Variants in DCAF6 observed in about 807,000 individuals in gnomAD.
DCAF6 encodes DDB1- and CUL4-associated factor 6.
Under a neutral mutation model 125.1 loss-of-function variants are expected in DCAF6, and 54 were observed. The ratio of observed to expected loss-of-function variants is 0.43; its 90% CI spans 0.35 to 0.54. The LOEUF is 0.54. DCAF6 is among the 20% of genes least tolerant of loss of function. The pLI, the probability that DCAF6 is intolerant of heterozygous loss-of-function variation, is 0.01. For missense variants in DCAF6, 934 were observed against 1,161.7 expected, an observed-to-expected ratio of 0.80 and a Z score of 2.85; for synonymous variants, 371 against 390.4, an observed-to-expected ratio of 0.95 and a Z score of 0.58.
the DCAF6 span, chr1:167,901,768 C>A: frequency 6.2e-7 from 1 of 1,614,184 alleles, no homozygotes. Flanking sequence ...TTTTCAGCTG[C>A]TTTCGCTCCA....
At chr1:168,040,843 C>A (rs1213883412) in intron 13 of DCAF6, among the ~76,000 whole-genome samples, 1 of 140,128 alleles carries the variant, frequency 7.1e-6, no homozygotes. Context: ...GTCAGAAAAG[C>A]AGTTAGCATT....
intron 10 of DCAF6, among the ~76,000 whole-genome samples, chr1:168,011,105 A>G (rs1384711267): frequency 1.3e-5 from 2 of 148,160 alleles, no homozygotes; most frequent in African/African-American, 5.0e-5. Context: ...TACTCAGACC[A>G]TCAGAATTTT....
intron 13 of DCAF6, 181 bp from the exon 14 acceptor site, chr1:168,042,844 T>C: frequency 6.3e-6 from 3 of 478,040 alleles, no homozygotes; most frequent in South Asian, 3.9e-5. Flanking sequence ...AAGAGTAAAG[T>C]GTGTTATGAT....
chr1:167,973,308 T>A (rs1183509546), intron 3 of DCAF6, among the ~76,000 whole-genome samples: 2 of 152,222 alleles, frequency 1.3e-5, no homozygotes, highest in African/African-American at 4.8e-5. Flanking sequence ...TGGTACATGA[T>A]GTTATATAAT....
chr1:167,973,847 T>C (rs1350690041), intron 3 of DCAF6, among the ~76,000 whole-genome samples: 2 of 152,198 alleles, frequency 1.3e-5, no homozygotes, highest in Non-Finnish European at 2.9e-5. Flanking sequence ...CAGTAAATAA[T>C]CTTTGACATT....
At chr1:168,035,327 G>A in intron 12 of DCAF6, among the ~76,000 whole-genome samples, 1 of 152,216 alleles carries the variant, frequency 6.6e-6, no homozygotes, top group African/African-American at 2.4e-5. Flanking sequence ...TGTGCCTATA[G>A]TCCCAGCTAC....
chr1:168,003,847 T>C (rs1345468066), intron 8 of DCAF6, 23 bp from the exon 9 acceptor site: 1 of 1,576,982 alleles, frequency 6.3e-7, no homozygotes. Context: ...CTAAACTCAC[T>C]GATAAGACCT....
rs1232101633 is a variant in DCAF6 at position 167,942,636 on chromosome 1, CT to C, written c.97+5637del. ...TAATCCAAGGTAACAAAGATTTTTACTTTTTTTTTCCTGGAGATTTTATCTT... is the reference window on the plus strand; with the variant it reads ...TAATCCAAGGTAACAAAGATTTTTACTTTTTTTTCCTGGAGATTTTATCTT... On this transcript the variant is annotated intron_variant, in intron 1 of 21. Coordinates refer to ENST00000367840, the MANE Select transcript of DCAF6 (RefSeq NM_001198956.2). 6.6e-5 allele frequency among the ~76,000 whole-genome samples: 10 copies of C among 151,336 alleles called. No individual in the cohort carries two copies. The South Asian group carries it at 1.3e-3, about 19-fold the overall frequency.
At chr1:168,036,551 G>C (rs413168) in intron 12 of DCAF6, among the ~76,000 whole-genome samples, 69,733 of 152,030 alleles carry the variant, frequency 0.46, 18,161 homozygotes, top group African/African-American at 0.71. Flanking sequence ...TTCATCTATT[G>C]CAGAAGCCTA....
chr1:167,988,066 T>C (rs189991610), intron 5 of DCAF6, among the ~76,000 whole-genome samples: 2 of 152,278 alleles, frequency 1.3e-5, no homozygotes, highest in African/African-American at 2.4e-5. Context: ...AATAATAAGA[T>C]AGCATGCTAT....
chr1:168,003,760 G>A lies in DCAF6; in HGVS notation c.998-110G>A, dbSNP rs1571893830. ...TTCATACAATTTATTTAGGAAATTT[G>A]ATTTTTAAAAATATGCTTTCATTTT... On this transcript the variant is annotated intron_variant, in intron 8 of 21. Transcript: ENST00000367840. The A allele has an allele frequency of 5.1e-6, 5 of 984,438 alleles. No homozygotes were observed. The East Asian group carries it at 1.1e-4, about 21-fold the overall frequency. The allele number at this position is 984,438 out of a possible 1,614,324, so 61.0% of individuals were successfully genotyped here.
chr1:167,987,566 T>A lies in DCAF6; in HGVS notation c.510T>A (p.Asp170Glu). The A allele has an allele frequency of 1.2e-6, 2 of 1,607,758 alleles. No individual in the cohort carries two copies. The highest frequency in any genetic ancestry group is 8.5e-7 in the Non-Finnish European group (1 of 1,175,500). ...AAGATGGAACTGTTAGGTGGTTTGA[T>A]ACACGCATCAAAACTAGCTGCACAA... ...CGEDGTVRWF[D>E]TRIKTSCTKE... is the part of the protein sequence containing the mutation. Residue 170 changes from aspartate to glutamate, a missense_variant, in exon 5 of 22, where the codon GAT becomes GAA. Around this residue, in one of 5 missense-constraint regions of DCAF6, gnomAD observed 309 missense variants for 381.2 expected, o/e 0.81. Transcript: ENST00000367840.
the DCAF6 span, among the ~76,000 whole-genome samples, chr1:167,895,134 A>G: frequency 6.6e-6 from 1 of 151,040 alleles, no homozygotes; most frequent in African/African-American, 2.4e-5. Flanking sequence ...GTGAGCCCAT[A>G]TCGCGCCAGT....
In DCAF6 at chr1:167,993,321, A is replaced by T; in HGVS notation, c.784A>T (p.Ser262Cys). ...CTGCAGAGTGACATCTCTGTGTTAC[A>T]GTGAAGATGGTCAAGAGATTCTCGT... Reference protein sequence around the residue: ...KSCRVTSLCYSEDGQEILVSY... With the variant: ...KSCRVTSLCYCEDGQEILVSY... Residue 262 changes from serine (S) to cysteine (C), a missense_variant, in exon 7 of 22, where the codon AGT becomes TGT. Transcript: ENST00000367840. 1 of 1,613,948 alleles carries T rather than the reference A, an allele frequency of 6.2e-7. No individual in the cohort carries two copies. Among genetic ancestry groups the T allele is most frequent in the Non-Finnish European group, 8.5e-7 (1 of 1,179,856 alleles).
intron 10 of DCAF6, among the ~76,000 whole-genome samples, chr1:168,015,232 A>C (rs746677714): frequency 8.5e-5 from 13 of 152,216 alleles, no homozygotes; most frequent in Non-Finnish European, 1.6e-4. Context: ...AATCTTTTTG[A>C]ACTTAAAAAA....
chr1:167,935,668 A>G (rs1671114703), upstream of DCAF6: 1 of 1,407,076 alleles, frequency 7.1e-7, no homozygotes, highest in African/African-American at 1.4e-5. Flanking sequence ...GAGGGCCTCT[A>G]AAAGGTCCAT....
upstream of DCAF6, chr1:167,936,484 G>C (rs1004325212): frequency 4.3e-5 from 9 of 208,704 alleles, no homozygotes; most frequent in Non-Finnish European, 2.9e-5. Context: ...GATCTGGTTA[G>C]AGTGGCCCGA....
chr1:167,971,744 A>T (rs1677341054), intron 3 of DCAF6, among the ~76,000 whole-genome samples: 2 of 152,226 alleles, frequency 1.3e-5, no homozygotes, highest in African/African-American at 4.8e-5. Flanking sequence ...TCTGGCAATT[A>T]TACCTCTCTA....
chr1:167,916,924 T>G, the DCAF6 span: 4 of 152,230 alleles, frequency 2.6e-5, no homozygotes, highest in African/African-American at 9.6e-5. Context: ...TGTCAAGCTC[T>G]CTAATCTTTT....
Sources: gnomAD v4.1 joint callset for allele counts (sites outside exome capture counted in the v4.1 genomes callset) on GRCh38, gnomAD v4.1.1 for gene constraint, gnomAD v4.1.1 regional missense constraint, MANE v1.5 for transcripts, NCBI Gene and HGNC (gene_info 2026-07-23, HGNC 2026-07-21) for gene names.